MIPOL1: variants seen among roughly 807,000 people sequenced by gnomAD.
MIPOL1 encodes the protein mirror-image polydactyly 1, also known as mirror-image polydactyly gene 1 protein.
Under a neutral mutation model 60.9 loss-of-function variants are expected in MIPOL1, and 57 were observed. The observed-to-expected ratio is 0.94, with a 90% CI of 0.76 to 1.17. The LOEUF (loss-of-function observed/expected upper bound fraction) is 1.17. MIPOL1 is among the 50% of genes most tolerant of loss of function. MIPOL1 has a pLI of 0.00. For missense variants in MIPOL1, 551 were observed against 511.6 expected (o/e 1.08, Z -0.74); for synonymous variants, 179 against 168.8 (o/e 1.06, Z -0.47).
At chr14:37,263,704 G>A (rs1426263402) in intron 3 of MIPOL1, among the ~76,000 whole-genome samples, 1 of 152,084 alleles carries the variant, frequency 6.6e-6, no homozygotes, top group Non-Finnish European at 1.5e-5. Context: ...AAGTCCATAT[G>A]GATAAATGAA....
intron 7 of MIPOL1, among the ~76,000 whole-genome samples, chr14:37,298,785 AAGTC>A (rs1301640371): frequency 5.3e-5 from 8 of 151,814 alleles, no homozygotes; most frequent in Admixed American, 5.3e-4. Context: ...AATCATTAAA[AAGTC>A]AGGAAACAAC....
chr14:37,412,722 A>G (rs1033697437), intron 10 of MIPOL1, among the ~76,000 whole-genome samples: 1 of 152,122 alleles, frequency 6.6e-6, no homozygotes, highest in Non-Finnish European at 1.5e-5. Flanking sequence ...TTATTTATCT[A>G]GTTTCCTGTT....
chr14:37,324,992 T>C (rs1232084989), intron 9 of MIPOL1, among the ~76,000 whole-genome samples: 1 of 152,140 alleles, frequency 6.6e-6, no homozygotes, highest in Non-Finnish European at 1.5e-5. Flanking sequence ...TGTTCTTTTG[T>C]AAGGTTGTTT....
chr14:37,225,825 T>C (rs1296443386), intron 1 of MIPOL1, among the ~76,000 whole-genome samples: 1 of 152,206 alleles, frequency 6.6e-6, no homozygotes, highest in African/African-American at 2.4e-5. Context: ...GTCTGAACTT[T>C]TATGCTCTGC....
At chr14:37,444,344 T>C (rs2094298655) in intron 11 of MIPOL1, among the ~76,000 whole-genome samples, 1 of 152,148 alleles carries the variant, frequency 6.6e-6, no homozygotes, top group African/African-American at 2.4e-5. Context: ...CACTGTACTC[T>C]GAAAACTACA....
intron 10 of MIPOL1, among the ~76,000 whole-genome samples, chr14:37,409,134 A>T (rs1055112218): frequency 1.2e-4 from 19 of 152,086 alleles, no homozygotes; most frequent in Admixed American, 9.2e-4. Context: ...GGAGGAAGGC[A>T]CCCCCAGTTT....
At chr14:37,290,508 G>A (rs1033580888) in intron 7 of MIPOL1, among the ~76,000 whole-genome samples, 2 of 152,116 alleles carry the variant, frequency 1.3e-5, no homozygotes, top group East Asian at 3.9e-4. Flanking sequence ...TTACAGACAT[G>A]AGCCACCGTG....
intron 11 of MIPOL1, among the ~76,000 whole-genome samples, chr14:37,451,375 GT>G (rs1030854089): frequency 2.0e-5 from 3 of 151,980 alleles, no homozygotes; most frequent in Non-Finnish European, 2.9e-5. Context: ...TTCTACTTGT[GT>G]TTTTTTGAGA....
intron 11 of MIPOL1, among the ~76,000 whole-genome samples, chr14:37,429,139 G>A (rs1335300618): frequency 6.6e-6 from 1 of 152,148 alleles, no homozygotes; most frequent in East Asian, 1.9e-4. Context: ...TTTGTATTTA[G>A]TAATGATTTT....
chr14:37,317,564 T>TA (rs2088055591), intron 9 of MIPOL1, among the ~76,000 whole-genome samples: 1 of 152,016 alleles, frequency 6.6e-6, no homozygotes, highest in African/African-American at 2.4e-5. Flanking sequence ...GACTCTCCCT[T>TA]ATGTAAAGAG....
Position 37,499,988 on chromosome 14 carries a change from A to G in MIPOL1, c.1112A>G (p.Lys371Arg). ...YTLSTYEEALKNRENIVSITQ... is the reference protein window; with the variant it reads ...YTLSTYEEALRNRENIVSITQ... Reference sequence around the variant, plus strand: ...CTTAGTACATATGAAGAAGCTTTAAAAAACAGAGAGAACATTGTTTCCATC... The same window carrying G: ...CTTAGTACATATGAAGAAGCTTTAAGAAACAGAGAGAACATTGTTTCCATC... Residue 371 changes from lysine (K) to arginine (R), a missense_variant, in exon 12 of 13, where the codon AAA (lysine) becomes AGA (arginine). Coordinates refer to ENST00000684589, the MANE Select transcript of MIPOL1 (RefSeq NM_001388067.1). 6.2e-7 allele frequency: 1 copy of G among 1,613,712 alleles called. No homozygotes were observed. Among genetic ancestry groups the G allele is most frequent in the Non-Finnish European group, 8.5e-7 (1 of 1,179,658 alleles).
chr14:37,497,631 A>G (rs1475842116), intron 11 of MIPOL1, among the ~76,000 whole-genome samples: 1 of 152,236 alleles, frequency 6.6e-6, no homozygotes, highest in African/African-American at 2.4e-5. Context: ...GTTTGAGCCC[A>G]GGAGTTCAAG....
At chr14:37,333,930 C>CTATA (rs2089924060) in intron 9 of MIPOL1, among the ~76,000 whole-genome samples, 1 of 151,926 alleles carries the variant, frequency 6.6e-6, no homozygotes, top group East Asian at 1.9e-4. Context: ...AAAGATAAGA[C>CTATA]TATATGCTGG....
intron 11 of MIPOL1, among the ~76,000 whole-genome samples, chr14:37,444,663 T>C (rs2094304098): frequency 6.6e-6 from 1 of 151,808 alleles, no homozygotes; most frequent in Admixed American, 6.6e-5. Context: ...GGTGAAAGAG[T>C]AAATGTATAT....
chr14:37,506,774 G>A (rs2095280408), intron 12 of MIPOL1: 2 of 152,114 alleles, frequency 1.3e-5, no homozygotes, highest in African/African-American at 4.8e-5. Flanking sequence ...AAGAGCTTCT[G>A]CACAGCAAAA....
chr14:37,438,785 T>C (rs2094200072), intron 11 of MIPOL1, among the ~76,000 whole-genome samples: 2 of 152,226 alleles, frequency 1.3e-5, no homozygotes, highest in African/African-American at 4.8e-5. Flanking sequence ...ATACACGCCC[T>C]TTGATTTTTT....
intron 9 of MIPOL1, among the ~76,000 whole-genome samples, chr14:37,324,475 G>A (rs956515531): frequency 1.3e-4 from 19 of 151,970 alleles, no homozygotes; most frequent in African/African-American, 3.4e-4. Context: ...GATGAAGTCC[G>A]TTGTCAGATA....
At chr14:37,417,928 C>A (rs979723393) in intron 10 of MIPOL1, among the ~76,000 whole-genome samples, 1 of 152,118 alleles carries the variant, frequency 6.6e-6, no homozygotes, top group Non-Finnish European at 1.5e-5. Context: ...TGGACAATTT[C>A]CAAATGTTTC....
chr14:37,530,938 C>T (rs901520820), intron 12 of MIPOL1, among the ~76,000 whole-genome samples: 1 of 151,444 alleles, frequency 6.6e-6, no homozygotes, highest in African/African-American at 2.4e-5. Context: ...CTGCCTCAGC[C>T]CCCCGAGTAG....
Sources: gnomAD v4.1 joint callset for allele counts (sites outside exome capture counted in the v4.1 genomes callset) on GRCh38, gnomAD v4.1.1 for gene constraint, MANE v1.5 for transcripts, NCBI Gene and HGNC (gene_info 2026-07-23, HGNC 2026-07-21) for gene names.